KIFAP3: variants seen among roughly 807,000 people sequenced by gnomAD.
The protein encoded by KIFAP3 is kinesin associated protein 3.
KIFAP3 carries 68 observed loss-of-function variants against 106.5 expected under a neutral mutation model. That is an observed-to-expected ratio of 0.64 (90% CI 0.53 to 0.78). The LOEUF (loss-of-function observed/expected upper bound fraction) is 0.78, where lower values mean the gene tolerates loss of function less well. KIFAP3 is among the 30% of genes least tolerant of loss of function. The pLI, the probability that KIFAP3 is intolerant of heterozygous loss-of-function variation, is 0.00. For missense variants in KIFAP3, 780 were observed against 941.8 expected (o/e 0.83, Z 2.25); for synonymous variants, 320 against 311.5 (o/e 1.03, Z -0.29).
chr1:170,023,341 T>A (rs1668949384), intron 9 of KIFAP3, among the ~76,000 whole-genome samples: 1 of 152,086 alleles, frequency 6.6e-6, no homozygotes, highest in African/African-American at 2.4e-5. Flanking sequence ...TATTAGCTAC[T>A]TCCTAGTTCA....
intron 11 of KIFAP3, among the ~76,000 whole-genome samples, chr1:169,991,684 TATG>T (rs1667114583): frequency 6.6e-6 from 1 of 152,130 alleles, no homozygotes; most frequent in Admixed American, 6.5e-5. Flanking sequence ...CATTTACAAA[TATG>T]ATATCTCACA....
upstream of KIFAP3, among the ~76,000 whole-genome samples, chr1:170,079,290 T>G (rs565227038): frequency 6.6e-6 from 1 of 152,150 alleles, no homozygotes; most frequent in Non-Finnish European, 1.5e-5. Context: ...CCGTCCATCT[T>G]GAATGGAAGC....
intron 19 of KIFAP3, among the ~76,000 whole-genome samples, chr1:169,924,466 C>T: frequency 6.6e-6 from 1 of 152,192 alleles, no homozygotes; most frequent in East Asian, 1.9e-4. Flanking sequence ...CACAGATGAA[C>T]TTGCTGTTTA....
intron 3 of KIFAP3, among the ~76,000 whole-genome samples, chr1:170,044,464 G>T (rs931410332): frequency 1.3e-5 from 2 of 152,154 alleles, no homozygotes; most frequent in African/African-American, 4.8e-5. Flanking sequence ...CTGTGACTCT[G>T]AACTAGAGAA....
Position 169,992,194 on chromosome 1 carries a change from G to A in KIFAP3, c.1245C>T (p.Arg415=), listed in dbSNP as rs149027544. ...CVLYHISMDD[R]FKSMFAYTDC... Reference sequence around the variant, plus strand: ...CAGTGTATGCAAACATTGATTTAAAGCGGTCATCCATGCTTATGTGGTAAA... The same window carrying A: ...CAGTGTATGCAAACATTGATTTAAAACGGTCATCCATGCTTATGTGGTAAA... Residue 415 remains arginine (R), a synonymous_variant, in exon 11 of 20, where the codon CGC becomes CGT. Transcript: ENST00000361580. 3.4e-4 allele frequency: 545 copies of A among 1,583,798 alleles called. 3 individuals are homozygous for A. The highest frequency in any genetic ancestry group is 1.7e-4 in the Middle Eastern group (1 of 5,926).
intron 1 of KIFAP3, among the ~76,000 whole-genome samples, chr1:170,082,783 G>A (rs1196446337): frequency 6.6e-6 from 1 of 151,080 alleles, no homozygotes; most frequent in African/African-American, 2.5e-5. Context: ...GACTAGCCTG[G>A]CCAACATAGT....
intron 19 of KIFAP3, among the ~76,000 whole-genome samples, chr1:169,926,698 C>T (rs1414658542): frequency 6.9e-6 from 1 of 145,638 alleles, no homozygotes; most frequent in Non-Finnish European, 1.5e-5. Context: ...CACACACACA[C>T]ACACACATTC....
At chr1:169,950,073 C>A (rs1269851798) in intron 19 of KIFAP3, among the ~76,000 whole-genome samples, 2 of 152,138 alleles carry the variant, frequency 1.3e-5, no homozygotes, top group African/African-American at 4.8e-5. Flanking sequence ...AAATTCTTCT[C>A]TAAATCTGGC....
chr1:170,038,479 C>T (rs367707992), intron 4 of KIFAP3, 48 bp from the exon 5 acceptor site: 51 of 1,559,990 alleles, frequency 3.3e-5, no homozygotes, highest in Non-Finnish European at 3.5e-6. Context: ...TCAACAGATC[C>T]ACTGTCAAAG....
Position 169,992,204 on chromosome 1 carries a change from A to G in KIFAP3, c.1235T>C (p.Met412Thr). 1 of 1,587,472 alleles carries G rather than the reference A, an allele frequency of 6.3e-7. No homozygotes were observed. ...AAACATTGATTTAAAGCGGTCATCC[A>G]TGCTTATGTGGTAAAGAACACACAT... ...IAMCVLYHISMDDRFKSMFAY... is the reference protein window; with the variant it reads ...IAMCVLYHISTDDRFKSMFAY... Residue 412 changes from methionine (M) to threonine (T), a missense_variant, in exon 11 of 20, where the codon ATG (methionine) becomes ACG (threonine). This residue lies in a region of KIFAP3 where 588 missense variants were observed against 678.9 expected (regional missense o/e 0.87). Transcript: ENST00000361580.
At chr1:169,992,320 T>A (rs1667146780) in intron 10 of KIFAP3, 65 bp from the exon 11 acceptor site, 1 of 697,128 alleles carries the variant, frequency 1.4e-6, no homozygotes, top group Non-Finnish European at 2.2e-6. Flanking sequence ...ACACTCATGT[T>A]AATGTACTAC....
chr1:169,993,209 G>C (rs1204443118), intron 10 of KIFAP3, among the ~76,000 whole-genome samples: 1 of 150,774 alleles, frequency 6.6e-6, no homozygotes, highest in South Asian at 2.1e-4. Flanking sequence ...CCAGGTTCAA[G>C]GGATTCTCCT....
chr1:169,978,045 T>C, intron 16 of KIFAP3, 40 bp downstream of exon 16: 3 of 1,255,252 alleles, frequency 2.4e-6, no homozygotes, highest in Non-Finnish European at 1.1e-6. Context: ...TTTCTGAATA[T>C]GTGAAATATT....
At chr1:169,949,652 T>C (rs1664629696) in intron 19 of KIFAP3, among the ~76,000 whole-genome samples, 1 of 152,082 alleles carries the variant, frequency 6.6e-6, no homozygotes, top group Non-Finnish European at 1.5e-5. Context: ...AAAAAGCTAG[T>C]CTTGCTCCTA....
In KIFAP3 at chr1:170,025,915, A is replaced by G. The variant is rs187957892; in HGVS notation, c.842-1319T>C. On this transcript the variant is annotated intron_variant, in intron 8 of 19. Transcript: ENST00000361580. ...AAAATTTATGTTCACCCAGAACCTC[A>G]GGATGTGCCTTATTTGGAAATAGGG... Among the ~76,000 whole-genome samples the G allele has an allele frequency of 2.6e-3, 400 of 152,342 alleles. 1 individual carries two copies. Among genetic ancestry groups the G allele is most frequent in the Non-Finnish European group, 3.8e-3 (257 of 68,032 alleles).
chr1:170,044,374 AG>A (rs1670136190), intron 3 of KIFAP3, among the ~76,000 whole-genome samples: 1 of 152,188 alleles, frequency 6.6e-6, no homozygotes, highest in Admixed American at 6.5e-5. Context: ...TAGAAGCTGG[AG>A]TGCTGGTAGG....
At chr1:169,976,067 A>G (rs1294949176) in intron 16 of KIFAP3, among the ~76,000 whole-genome samples, 1 of 152,206 alleles carries the variant, frequency 6.6e-6, no homozygotes, top group Non-Finnish European at 1.5e-5. Flanking sequence ...ATAATAAGGT[A>G]CTAAATGTAC....
At chr1:169,953,193 A>G (rs1361325594) in intron 19 of KIFAP3, among the ~76,000 whole-genome samples, 1 of 152,146 alleles carries the variant, frequency 6.6e-6, no homozygotes, top group African/African-American at 2.4e-5. Context: ...ATTATTATGT[A>G]ATAAAGCTGG....
chr1:170,015,550 GAAAC>G (rs1319551245), intron 10 of KIFAP3, among the ~76,000 whole-genome samples: 5 of 152,154 alleles, frequency 3.3e-5, no homozygotes, highest in African/African-American at 9.7e-5. Context: ...CTGCAGTACT[GAAAC>G]AAAGGAACAA....
Sources: gnomAD v4.1 joint callset for allele counts (sites outside exome capture counted in the v4.1 genomes callset) on GRCh38, gnomAD v4.1.1 for gene constraint, gnomAD v4.1.1 regional missense constraint, MANE v1.5 for transcripts, NCBI Gene and HGNC (gene_info 2026-07-23, HGNC 2026-07-21) for gene names.